Variants in RPS19 observed in about 807,000 individuals in gnomAD.
RPS19 encodes small ribosomal subunit protein eS19.
In RPS19, 1 loss-of-function variant was observed where a neutral mutation model predicts 20.3. The observed-to-expected ratio is 0.05, with a 90% CI of 0.02 to 0.23. The LOEUF (loss-of-function observed/expected upper bound fraction) is 0.23, where lower values mean the gene tolerates loss of function less well. Among genes scored for constraint, RPS19 ranks in the 10% least tolerant of loss-of-function variants. RPS19 has a pLI of 1.00. For missense variants in RPS19, 111 were observed against 192.7 expected (o/e 0.58, Z 2.51); for synonymous variants, 87 against 74.8 (o/e 1.16, Z -0.84).
intron 3 of RPS19, among the ~76,000 whole-genome samples, chr19:41,866,103 A>G (rs1390483534): frequency 1.3e-5 from 2 of 151,302 alleles, no homozygotes; most frequent in African/African-American, 2.4e-5. Flanking sequence ...AATACAAAAC[A>G]TTAGCCAGGT....
intron 5 of RPS19, among the ~76,000 whole-genome samples, 186 bp downstream of exon 5, chr19:41,869,939 G>A (rs1191093697): frequency 6.6e-6 from 1 of 152,160 alleles, no homozygotes; most frequent in East Asian, 1.9e-4. Context: ...TCCTGTTGGT[G>A]CTGCTTAGAA....
chr19:41,863,897 C>T (rs2123267609), intron 3 of RPS19: 1 of 144,756 alleles, frequency 6.9e-6, no homozygotes, highest in African/African-American at 2.6e-5. Flanking sequence ...GGCTGGAGTA[C>T]ACTGGTGCCG....
intron 3 of RPS19, among the ~76,000 whole-genome samples, chr19:41,865,064 A>G (rs1175030132): frequency 6.6e-6 from 1 of 152,180 alleles, no homozygotes; most frequent in African/African-American, 2.4e-5. Context: ...TCCATGCCAA[A>G]AGGTTTTTAT....
rs1365833719 is a variant in RPS19, at chr19:41,872,087, T to A, written c.*710T>A. 6.6e-6 allele frequency: 1 copy of A among 152,470 alleles called. No homozygotes were observed. Among genetic ancestry groups the A allele is most frequent in the African/African-American group, 2.4e-5 (1 of 41,472 alleles). The allele number at this position is 152,470 out of a possible 1,614,324, so 9.4% of individuals were successfully genotyped here. A position where few individuals can be genotyped will look rare whatever the true frequency, so the allele number is the denominator to read the frequency against. On this transcript the variant is annotated 3_prime_UTR_variant, in exon 6 of 6. Coordinates refer to ENST00000598742, the MANE Select transcript of RPS19 (RefSeq NM_001022.4). Reference sequence around the variant, plus strand: ...CAGGAAGTCGGTGGAAGCAGATCCCTGTGCAGAAGTTGAATTACCAGGGCG... The same window carrying A: ...CAGGAAGTCGGTGGAAGCAGATCCCAGTGCAGAAGTTGAATTACCAGGGCG...
At chr19:41,866,293 C>T (rs1260834265) in intron 3 of RPS19, among the ~76,000 whole-genome samples, 1 of 152,184 alleles carries the variant, frequency 6.6e-6, no homozygotes, top group Non-Finnish European at 1.5e-5. Flanking sequence ...AGCTATTCTG[C>T]GTTCCCCAGT....
chr19:41,865,503 TGAG>T (rs1210375522), intron 3 of RPS19, among the ~76,000 whole-genome samples: 1 of 152,090 alleles, frequency 6.6e-6, no homozygotes, highest in Non-Finnish European at 1.5e-5. Context: ...GTGTCCCTCC[TGAG>T]GAGGAACGGT....
At chr19:41,860,371 C>T (rs1010822205) in intron 1 of RPS19, 82 bp downstream of exon 1, 1 of 158,926 alleles carries the variant, frequency 6.3e-6, no homozygotes, top group Non-Finnish European at 1.4e-5. Flanking sequence ...CTGAGGGCCC[C>T]GAGGCGCCCG....
In RPS19 at chr19:41,872,769, C is replaced by T. The variant is rs1472774534; in HGVS notation, c.*1392C>T. On this transcript the variant is annotated 3_prime_UTR_variant, in exon 6 of 6. Coordinates refer to ENST00000598742, the MANE Select transcript of RPS19 (RefSeq NM_001022.4). ...AATTAGTTGGGCATGGTGGCGCGCA[C>T]CTGTAATCCCAGCTACTCAGGAGGC... is the stretch of plus-strand genomic sequence containing the variant. 1 of 152,156 alleles carries T rather than the reference C, an allele frequency of 6.6e-6. No individual in the cohort carries two copies. The highest frequency in any genetic ancestry group is 2.4e-5 in the African/African-American group (1 of 41,418). The allele number at this position is 152,156 out of a possible 1,614,324, so 9.4% of individuals were successfully genotyped here. A position where few individuals can be genotyped will look rare whatever the true frequency, so the allele number is the denominator to read the frequency against.
chr19:41,871,294 A>G, intron 5 of RPS19, 57 bp from the exon 6 acceptor site: 6 of 1,555,630 alleles, frequency 3.9e-6, no homozygotes, highest in Middle Eastern at 1.7e-4. Context: ...AGCTGTTACA[A>G]AGTGCCCCAG....
At chr19:41,860,702 T>G in intron 1 of RPS19, 73 bp from the exon 2 acceptor site, 5 of 1,088,182 alleles carry the variant, frequency 4.6e-6, no homozygotes, top group South Asian at 1.2e-5. Context: ...AGCGAAAGGA[T>G]TGGGGTGGGG....
chr19:41,862,275 CTCTT>C (rs2074040145), intron 3 of RPS19, among the ~76,000 whole-genome samples: 1 of 152,328 alleles, frequency 6.6e-6, no homozygotes, highest in African/African-American at 2.4e-5. Context: ...TTGGGGCCCA[CTCTT>C]TCAGGCCATG....
intron 3 of RPS19, 88 bp downstream of exon 3, chr19:41,861,300 C>A: frequency 2.1e-6 from 2 of 962,664 alleles, no homozygotes; most frequent in East Asian, 2.5e-5. Context: ...TGAGCTCTTT[C>A]CCGCCCCAAG....
intron 5 of RPS19, among the ~76,000 whole-genome samples, chr19:41,870,119 G>A (rs1255070349): frequency 2.6e-5 from 4 of 152,088 alleles, no homozygotes; most frequent in African/African-American, 9.7e-5. Context: ...GCACATTCCT[G>A]TAATCTCAGC....
intron 3 of RPS19, among the ~76,000 whole-genome samples, chr19:41,863,671 G>C (rs79818710): frequency 2.0e-5 from 3 of 152,092 alleles, no homozygotes; most frequent in African/African-American, 7.2e-5. Flanking sequence ...CCCTCTTGAG[G>C]GTGGTCTGGA....
chr19:41,868,275 G>A (rs2074109598), intron 3 of RPS19, among the ~76,000 whole-genome samples: 1 of 152,188 alleles, frequency 6.6e-6, no homozygotes, highest in Non-Finnish European at 1.5e-5. Context: ...CTCCAGAGCT[G>A]TGTGACACGG....
In RPS19 at chr19:41,860,908, C is replaced by T. The variant is rs943978887; in HGVS notation, c.71+63C>T. 75 of 1,437,824 alleles carry T rather than the reference C, an allele frequency of 5.2e-5. No individual in the cohort carries two copies. In the Admixed American group the frequency reaches 1.3e-3, roughly 24 times the overall value. The allele number at this position is 1,437,824 out of a possible 1,614,324, so 89.1% of individuals were successfully genotyped here. On this transcript the variant is annotated intron_variant, in intron 2 of 5. Transcript: ENST00000598742. ...TGTCGCCTTGGCCTGCCCATCTGAG[C>T]CCCAGTGTTTGCCGGTCCCTGGCAG...
At chr19:41,863,249 C>T (rs1568790823) in intron 3 of RPS19, among the ~76,000 whole-genome samples, 1 of 152,150 alleles carries the variant, frequency 6.6e-6, no homozygotes. Context: ...AAGCGGTCCT[C>T]CCGCCTCAGC....
rs2074157668 is a variant in RPS19 at position 41,872,290 on chromosome 19, C to T, written c.*913C>T. The T allele has an allele frequency of 6.6e-6, 1 of 152,284 alleles. No individual in the cohort carries two copies. The highest frequency in any genetic ancestry group is 2.1e-4 in the South Asian group (1 of 4,836). The allele number at this position is 152,284 out of a possible 1,614,324, so 9.4% of individuals were successfully genotyped here. ...TAGGGCCCGCTGTGACCAGATGTCC[C>T]TCCCAGTTGGGAAGACTAAACTGGT... On this transcript the variant is annotated 3_prime_UTR_variant, in exon 6 of 6. Transcript: ENST00000598742.
At chr19:41,861,617 G>A (rs1380720880) in intron 3 of RPS19, 3 of 334,586 alleles carry the variant, frequency 9.0e-6, no homozygotes, top group African/African-American at 6.4e-5. Flanking sequence ...ACTAATTATT[G>A]TACCAGTACT....
Sources: allele counts gnomAD v4.1 joint callset (sites outside exome capture counted in the v4.1 genomes callset), GRCh38; gene constraint gnomAD v4.1.1; transcripts MANE v1.5; gene names NCBI Gene and HGNC (gene_info 2026-07-23, HGNC 2026-07-21).